ERI3: variants seen among roughly 807,000 people sequenced by gnomAD.
ERI3 encodes ERI1 exoribonuclease 3.
ERI3 carries 18 observed loss-of-function variants against 44.4 expected under a neutral mutation model. The observed-to-expected ratio is 0.41, with a 90% CI of 0.28 to 0.60. ERI3 has a LOEUF of 0.60. Ranked by LOEUF, ERI3 falls within the 20% of genes least tolerant of loss-of-function variation. The pLI, the probability that ERI3 is intolerant of heterozygous loss-of-function variation, is 0.36. For missense variants in ERI3, 294 were observed against 435.5 expected (o/e 0.68, Z 2.89); for synonymous variants, 183 against 164.8 (o/e 1.11, Z -0.84).
intron 2 of ERI3, among the ~76,000 whole-genome samples, chr1:44,346,020 A>G (rs1646776123): frequency 6.6e-6 from 1 of 152,232 alleles, no homozygotes; most frequent in Admixed American, 6.5e-5. Flanking sequence ...TAGTTTGTTG[A>G]AGGCTAGAGG....
At chr1:44,332,453 C>G (rs1368784195) in intron 3 of ERI3, among the ~76,000 whole-genome samples, 3 of 152,170 alleles carry the variant, frequency 2.0e-5, no homozygotes, top group Non-Finnish European at 4.4e-5. Flanking sequence ...TGGCCCCACC[C>G]CCAGACAACT....
At chr1:44,259,077 A>C (rs780590730) in intron 7 of ERI3, among the ~76,000 whole-genome samples, 1 of 152,242 alleles carries the variant, frequency 6.6e-6, no homozygotes, top group Non-Finnish European at 1.5e-5. Flanking sequence ...ATGCCAGGCT[A>C]TATGCACATA....
intron 7 of ERI3, among the ~76,000 whole-genome samples, chr1:44,284,225 C>T (rs1468056837): frequency 6.6e-6 from 1 of 152,164 alleles, no homozygotes. Flanking sequence ...ACACATGGTC[C>T]TTGCCGGTCC....
rs918388960 is a variant in ERI3 at position 44,252,471 on chromosome 1, C to T, written c.832-4433G>A. ...GCCCCCTGTGTAACAGGGAGCTTTG[C>T]CATTAGCGCCTTTAATATTCTGACA... is the stretch of plus-strand genomic sequence containing the variant. On this transcript the variant is annotated intron_variant, in intron 7 of 8. Coordinates refer to ENST00000372257, the MANE Select transcript of ERI3 (RefSeq NM_024066.3). This position sits in a 1 kb window ranked among gnomAD's most constrained non-coding sequence, Gnocchi z 4.7. Among the ~76,000 whole-genome samples the T allele has an allele frequency of 3.3e-5, 5 of 152,202 alleles. No homozygotes were observed. The highest frequency in any genetic ancestry group is 1.2e-4 in the African/African-American group (5 of 41,464).
At chr1:44,312,589 A>G (rs543839925) in intron 5 of ERI3, among the ~76,000 whole-genome samples, 44 of 152,338 alleles carry the variant, frequency 2.9e-4, no homozygotes, top group African/African-American at 1.0e-3. Context: ...TCACATAGGC[A>G]ATTGTTGTAA....
At position 44,263,633 on chromosome 1, in the gene ERI3, C is replaced by T. The variant is rs1028742464; in HGVS notation, c.832-15595G>A. Among the ~76,000 whole-genome samples, 8 of 152,316 alleles carry T rather than the reference C, an allele frequency of 5.3e-5. 1 individual carries two copies. The highest frequency in any genetic ancestry group is 2.6e-4 in the Admixed American group (4 of 15,306). On this transcript the variant is annotated intron_variant, in intron 7 of 8. Coordinates refer to ENST00000372257, the MANE Select transcript of ERI3 (RefSeq NM_024066.3). ...CAGGTGGCTTCCTGGACAGCTTCCC[C>T]GGGGGCTCAGAAAGATGCTCTGGCC...
chr1:44,284,146 G>A, intron 7 of ERI3: 1 of 455,984 alleles, frequency 2.2e-6, no homozygotes, highest in Admixed American at 2.5e-5. Flanking sequence ...CTCTAGAGCA[G>A]GGATACTCTG....
rs1644114206 is a variant in ERI3, at chr1:44,228,998, A to T, written c.932-7358T>A. Among the ~76,000 whole-genome samples the T allele has an allele frequency of 6.6e-6, 1 of 152,210 alleles. No homozygotes were observed. Among genetic ancestry groups the T allele is most frequent in the Admixed American group, 6.5e-5 (1 of 15,288 alleles). Reference sequence around the variant, plus strand: ...GGCAGCCAGGGAGGTCCACAAGAGGAGGTGGAGGGTGAATCCCACCTGCTG... The same window carrying T: ...GGCAGCCAGGGAGGTCCACAAGAGGTGGTGGAGGGTGAATCCCACCTGCTG... On this transcript the variant is annotated intron_variant, in intron 8 of 8. Transcript: ENST00000372257. This position sits in a 1 kb window ranked among gnomAD's most constrained non-coding sequence, Gnocchi z 4.3.
chr1:44,268,154 T>C (rs755370680), intron 7 of ERI3, among the ~76,000 whole-genome samples: 2 of 152,174 alleles, frequency 1.3e-5, no homozygotes, highest in Non-Finnish European at 2.9e-5. Flanking sequence ...ACCACTTCTA[T>C]TGTGTTTTTC....
In ERI3 at chr1:44,235,384, C is replaced by A. The variant is rs1038756768; in HGVS notation, c.931+12555G>T. Among the ~76,000 whole-genome samples the A allele has an allele frequency of 4.6e-5, 7 of 152,166 alleles. No individual in the cohort carries two copies. Among genetic ancestry groups the A allele is most frequent in the Non-Finnish European group, 5.9e-5 (4 of 68,020 alleles). On this transcript the variant is annotated intron_variant, in intron 8 of 8. Coordinates refer to ENST00000372257, the MANE Select transcript of ERI3 (RefSeq NM_024066.3). This position sits in a 1 kb window ranked among gnomAD's most constrained non-coding sequence, Gnocchi z 4.6. ...AGTGCTTCCTCTAGGTGCCTTCCCC[C>A]CATCCCGCCTTTGTGTTAGGAACCT...
intron 3 of ERI3, among the ~76,000 whole-genome samples, chr1:44,335,187 C>T (rs536175425): frequency 2.8e-4 from 42 of 151,952 alleles, no homozygotes; most frequent in South Asian, 8.3e-4. Flanking sequence ...AAAAAATAAA[C>T]AGAAAATTAG....
At chr1:44,250,029 GAAA>G (rs961960071) in intron 7 of ERI3, among the ~76,000 whole-genome samples, 16 of 152,110 alleles carry the variant, frequency 1.1e-4, no homozygotes, top group Non-Finnish European at 1.6e-4. Context: ...CTCAAGCAAA[GAAA>G]AAAATATTTA....
At chr1:44,240,754 A>C (rs1644416733) in intron 8 of ERI3, among the ~76,000 whole-genome samples, 1 of 152,198 alleles carries the variant, frequency 6.6e-6, no homozygotes, top group Admixed American at 6.5e-5. Context: ...TGCAGGCCAC[A>C]GGCCCCACTT....
intron 7 of ERI3, among the ~76,000 whole-genome samples, chr1:44,248,381 A>C (rs967291136): frequency 1.4e-4 from 22 of 152,058 alleles, no homozygotes; most frequent in Non-Finnish European, 2.2e-4. Flanking sequence ...ACCCCTCCTT[A>C]GGATCTCCCC....
chr1:44,265,848 A>T (rs1478556744), intron 7 of ERI3, among the ~76,000 whole-genome samples: 1 of 152,196 alleles, frequency 6.6e-6, no homozygotes, highest in African/African-American at 2.4e-5. Flanking sequence ...TGGAAAGTAG[A>T]TGAGTAGTTG....
intron 6 of ERI3, among the ~76,000 whole-genome samples, chr1:44,289,160 C>T (rs1227027646): frequency 6.6e-6 from 1 of 152,150 alleles, no homozygotes; most frequent in Non-Finnish European, 1.5e-5. Flanking sequence ...TAGAAAAGAG[C>T]CAATTATGTC....
intron 4 of ERI3, among the ~76,000 whole-genome samples, chr1:44,318,484 G>A (rs1306129841): frequency 2.6e-5 from 4 of 152,256 alleles, no homozygotes; most frequent in Non-Finnish European, 4.4e-5. Context: ...AGAGGAAGGC[G>A]AAAACCAGAA....
In ERI3 at chr1:44,308,170, C is replaced by T. The variant is rs1263822422; in HGVS notation, c.758+140G>A. ...GAGAGGCAGAAGGCAGGGCTCCCAA[C>T]CGTCTTCTATCCCTGATAGCCTCAA... On this transcript the variant is annotated intron_variant, in intron 6 of 8. Coordinates refer to ENST00000372257, the MANE Select transcript of ERI3 (RefSeq NM_024066.3). 5 of 690,816 alleles carry T rather than the reference C, an allele frequency of 7.2e-6. No individual in the cohort carries two copies. In the African/African-American group the frequency reaches 8.9e-5, roughly 12 times the overall value. The allele number at this position is 690,816 out of a possible 1,614,324, so 42.8% of individuals were successfully genotyped here.
At chr1:44,328,781 A>G (rs1646368378) in intron 3 of ERI3, among the ~76,000 whole-genome samples, 1 of 152,186 alleles carries the variant, frequency 6.6e-6, no homozygotes, top group Admixed American at 6.5e-5. Context: ...CCAAATGAGA[A>G]TCAGAGCCCA....
Sources: gnomAD v4.1 joint callset for allele counts (sites outside exome capture counted in the v4.1 genomes callset) on GRCh38, gnomAD v4.1.1 for gene constraint, Gnocchi (gnomAD v3.1) non-coding constraint, MANE v1.5 for transcripts, NCBI Gene and HGNC (gene_info 2026-07-23, HGNC 2026-07-21) for gene names.